PVALEF: variants seen among roughly 807,000 people sequenced by gnomAD.
PVALEF encodes parvalbumin like EF-hand containing.
Under a neutral mutation model 1.2 loss-of-function variants are expected in PVALEF, and 2 were observed. That is an observed-to-expected ratio of 1.68 (90% CI 0.69 to 5.28). The LOEUF is 5.28. PVALEF is among the 30% of genes most tolerant of loss of function. The probability of loss-of-function intolerance (pLI) is 0.06; values close to 1 mark genes in which losing one functional copy is unlikely to be tolerated. For synonymous variants in PVALEF, 16 were observed against 6.5 expected (o/e 2.47, Z -2.24); for missense variants, 35 against 17.7 (o/e 1.97, Z -1.75).
chr17:81,176,990 G>A (rs2061537892), intron 2 of PVALEF, among the ~76,000 whole-genome samples: 1 of 147,364 alleles, frequency 6.8e-6, no homozygotes, highest in South Asian at 2.1e-4. Flanking sequence ...GCGGTGGCGC[G>A]ATCTCAGCTC....
intron 2 of PVALEF, among the ~76,000 whole-genome samples, chr17:81,172,351 G>A (rs934759324): frequency 1.3e-5 from 2 of 152,182 alleles, no homozygotes; most frequent in Admixed American, 1.3e-4. Context: ...CTTCTGACCC[G>A]CTCATTCCAC....
intron 2 of PVALEF, among the ~76,000 whole-genome samples, chr17:81,167,370 T>G (rs1298103201): frequency 3.9e-5 from 6 of 152,244 alleles, no homozygotes; most frequent in Admixed American, 2.6e-4. Flanking sequence ...ATTCATTCAC[T>G]CACTCATTCA....
intron 2 of PVALEF, among the ~76,000 whole-genome samples, chr17:81,174,923 T>C (rs1037511208): frequency 2.1e-5 from 3 of 141,036 alleles, no homozygotes; most frequent in African/African-American, 7.8e-5. Context: ...CACTCCAGCC[T>C]GGGTGACAGA....
intron 2 of PVALEF, among the ~76,000 whole-genome samples, chr17:81,173,475 G>C (rs1038515906): frequency 6.6e-6 from 1 of 152,158 alleles, no homozygotes; most frequent in Non-Finnish European, 1.5e-5. Flanking sequence ...ACACACAGAT[G>C]CCCCGAGAGA....
Position 81,183,017 on chromosome 17 carries a change from T to C in PVALEF, c.*6T>C. On this transcript the variant is annotated 3_prime_UTR_variant, in exon 7 of 7. Transcript: ENST00000637878. ...AAATTCCAAAGAAGAAGTAGCACCA[T>C]GACTAGCCCTGGCCAGCCAAGGGGC... 2.5e-6 allele frequency: 1 copy of C among 398,672 alleles called. No individual in the cohort carries two copies. 24.7% of individuals were successfully genotyped at this position (398,672 alleles called of 1,614,324 possible). A position where few individuals can be genotyped will look rare whatever the true frequency, so the allele number is the denominator to read the frequency against.
rs1382006777 is a variant in PVALEF, at chr17:81,165,608, C to T, written c.-647C>T. ...CCAGCTGGCTGACACCCCCCACACCCCCAAGGGCCCTTAGTCTGAGACCAA... is the reference window on the plus strand; with the variant it reads ...CCAGCTGGCTGACACCCCCCACACCTCCAAGGGCCCTTAGTCTGAGACCAA... On this transcript the variant is annotated 5_prime_UTR_variant, in exon 1 of 7. Transcript: ENST00000637878. 1.4e-6 allele frequency: 2 copies of T among 1,414,724 alleles called. No homozygotes were observed. Among genetic ancestry groups the T allele is most frequent in the Non-Finnish European group, 1.9e-6 (2 of 1,068,048 alleles). The allele number at this position is 1,414,724 out of a possible 1,614,324, so 87.6% of individuals were successfully genotyped here.
intron 1 of PVALEF, chr17:81,166,195 C>A (rs1478206802): frequency 1.3e-5 from 2 of 155,816 alleles, no homozygotes; most frequent in Non-Finnish European, 2.6e-5. Flanking sequence ...CCGGCCCTGG[C>A]GCCGCGGGGC....
rs141016603 is a variant in PVALEF at position 81,171,057 on chromosome 17, G to T, written c.-340+4213G>T. On this transcript the variant is annotated intron_variant, in intron 2 of 6. Coordinates refer to ENST00000637878, the MANE Select transcript of PVALEF (RefSeq NM_001354639.2). Reference sequence around the variant, plus strand: ...AGGTGGGCAGTGCCAACCCTGCGGGGGTCAGTGAGACCTGAACCTCCCCAA... The same window carrying T: ...AGGTGGGCAGTGCCAACCCTGCGGGTGTCAGTGAGACCTGAACCTCCCCAA... Among the ~76,000 whole-genome samples the T allele has an allele frequency of 3.0e-3, 461 of 152,322 alleles. 7 individuals carry two copies. The highest frequency in any genetic ancestry group is 0.011 in the African/African-American group (438 of 41,586).
intron 3 of PVALEF, among the ~76,000 whole-genome samples, chr17:81,180,047 C>T (rs903104885): frequency 3.3e-5 from 5 of 152,166 alleles, no homozygotes; most frequent in African/African-American, 7.2e-5. Flanking sequence ...CAGCCCGGGC[C>T]GCGGATGCAC....
rs146797445 is a variant in PVALEF, at chr17:81,166,632, C to T, written c.-507-45C>T. 483 of 451,490 alleles carry T rather than the reference C, an allele frequency of 1.1e-3. 2 individuals are homozygous for T. Among genetic ancestry groups the T allele is most frequent in the African/African-American group, 8.8e-3 (440 of 49,992 alleles). The allele number at this position is 451,490 out of a possible 1,614,324, so 28.0% of individuals were successfully genotyped here. Reference sequence around the variant, plus strand: ...ACAGGTGGGGGAACCCGGGAGCACACCCAGGGCGGGTCTTGGTGCTCAGGG... The same window carrying T: ...ACAGGTGGGGGAACCCGGGAGCACATCCAGGGCGGGTCTTGGTGCTCAGGG... On this transcript the variant is annotated intron_variant, in intron 1 of 6. Coordinates refer to ENST00000637878, the MANE Select transcript of PVALEF (RefSeq NM_001354639.2).
intron 2 of PVALEF, among the ~76,000 whole-genome samples, chr17:81,175,132 T>G (rs1021804316): frequency 6.6e-6 from 1 of 152,090 alleles, no homozygotes; most frequent in African/African-American, 2.4e-5. Flanking sequence ...CTGAAAAGGA[T>G]TATCCAATTT....
intron 2 of PVALEF, among the ~76,000 whole-genome samples, chr17:81,168,227 G>A (rs559255141): frequency 9.8e-5 from 15 of 152,328 alleles, no homozygotes; most frequent in African/African-American, 3.1e-4. Context: ...CTGCCTTGAT[G>A]ACCAGGGCCA....
intron 2 of PVALEF, among the ~76,000 whole-genome samples, chr17:81,174,399 C>T (rs1394871481): frequency 6.6e-6 from 1 of 152,044 alleles, no homozygotes; most frequent in Non-Finnish European, 1.5e-5. Flanking sequence ...GAGGCCAAGG[C>T]AGGTGGATCA....
In PVALEF at chr17:81,179,132, C is replaced by A; in HGVS notation, c.-125C>A. ...CCAGCCTGACCCACCTTCCAGAACT[C>A]TCGAAAGAAGCCAGGCAGAGGTAAG... On this transcript the variant is annotated 5_prime_UTR_variant, in exon 3 of 7. Transcript: ENST00000637878. 2.6e-6 allele frequency: 1 copy of A among 387,036 alleles called. No homozygotes were observed. The highest frequency in any genetic ancestry group is 1.8e-5 in the South Asian group (1 of 55,588). 24.0% of individuals were successfully genotyped at this position (387,036 alleles called of 1,614,324 possible).
At chr17:81,180,184 C>A (rs188142636) in intron 3 of PVALEF, among the ~76,000 whole-genome samples, 1 of 152,154 alleles carries the variant, frequency 6.6e-6, no homozygotes, top group South Asian at 2.1e-4. Context: ...GGGTGGTGAA[C>A]GAGCCCAGCC....
chr17:81,177,319 AG>A (rs1013462644), intron 2 of PVALEF, among the ~76,000 whole-genome samples: 3 of 150,034 alleles, frequency 2.0e-5, no homozygotes, highest in African/African-American at 7.3e-5. Context: ...AGGCTGAGGC[AG>A]GCAGATCACC....
chr17:81,166,269 G>A (rs1240903081), intron 1 of PVALEF, among the ~76,000 whole-genome samples: 1 of 121,654 alleles, frequency 8.2e-6, no homozygotes, highest in Admixed American at 7.7e-5. Flanking sequence ...GGAGGGGGGG[G>A]CCCTCCGCGG....
At chr17:81,182,840 G>T in intron 6 of PVALEF, 125 bp from the exon 7 acceptor site, 1 of 395,440 alleles carries the variant, frequency 2.5e-6, no homozygotes, top group Non-Finnish European at 4.5e-6. Context: ...AGGACTTGGG[G>T]ACAGGACCCC....
intron 1 of PVALEF, among the ~76,000 whole-genome samples, chr17:81,166,263 G>GT (rs1465617215): frequency 7.7e-6 from 1 of 129,452 alleles, no homozygotes; most frequent in African/African-American, 2.9e-5. Context: ...CGCGGGGGAG[G>GT]GGGGGGCCCT....
Sources: gnomAD v4.1 joint callset for allele counts (sites outside exome capture counted in the v4.1 genomes callset) on GRCh38, gnomAD v4.1.1 for gene constraint, MANE v1.5 for transcripts, NCBI Gene and HGNC (gene_info 2026-07-23, HGNC 2026-07-21) for gene names.